Variants in EYA3 observed in about 807,000 individuals in gnomAD.
EYA3 encodes the protein protein phosphatase EYA3.
EYA3 carries 39 observed loss-of-function variants against 80.0 expected under a neutral mutation model. The observed-to-expected ratio is 0.49, with a 90% CI of 0.38 to 0.64. The LOEUF is 0.64. Among genes scored for constraint, EYA3 ranks in the 30% least tolerant of loss-of-function variants. EYA3 has a pLI of 0.00. For synonymous variants in EYA3, 206 were observed against 232.8 expected (o/e 0.88, Z 1.05); for missense variants, 523 against 676.1 (o/e 0.77, Z 2.51).
intron 6 of EYA3, among the ~76,000 whole-genome samples, chr1:28,035,057 G>A (rs983522792): frequency 1.1e-4 from 16 of 152,066 alleles, no homozygotes; most frequent in African/African-American, 1.2e-4. Flanking sequence ...GGGGATTTCC[G>A]GTATTCTAAA....
At chr1:28,017,862 G>A (rs1642174896) in intron 7 of EYA3, among the ~76,000 whole-genome samples, 1 of 152,062 alleles carries the variant, frequency 6.6e-6, no homozygotes, top group African/African-American at 2.4e-5. Flanking sequence ...TATTACTCTG[G>A]TCAGATAAAA....
chr1:28,084,201 C>T (rs1645531156), intron 1 of EYA3, among the ~76,000 whole-genome samples: 1 of 149,524 alleles, frequency 6.7e-6, no homozygotes, highest in African/African-American at 2.5e-5. Context: ...TTAGGAAGCC[C>T]ATATTTTAAA....
intron 11 of EYA3, among the ~76,000 whole-genome samples, chr1:28,003,270 A>AAACAACAACAACAAC (rs139958121): frequency 6.9e-6 from 1 of 145,704 alleles, no homozygotes; most frequent in African/African-American, 2.6e-5. Context: ...ACTCCGTCTC[A>AAACAACAACAACAAC]AACAACAACA....
At chr1:28,033,174 C>CT (rs1557594996) in intron 6 of EYA3, among the ~76,000 whole-genome samples, 1 of 152,070 alleles carries the variant, frequency 6.6e-6, no homozygotes, top group African/African-American at 2.4e-5. Context: ...ACAGGCAGCA[C>CT]TAAGATGACA....
chr1:28,080,381 C>G (rs1324460371), intron 1 of EYA3, among the ~76,000 whole-genome samples: 1 of 152,034 alleles, frequency 6.6e-6, no homozygotes, highest in Non-Finnish European at 1.5e-5. Context: ...CACCTGAGCC[C>G]AGGAGGTCGA....
At chr1:28,020,395 C>T (rs115082644) in intron 7 of EYA3, among the ~76,000 whole-genome samples, 2,376 of 152,244 alleles carry the variant, frequency 0.016, 55 homozygotes, top group African/African-American at 0.054. Context: ...CTCATTCATT[C>T]AGCAAACCCA....
At chr1:28,057,850 T>C (rs1644486968) in intron 2 of EYA3, 144 bp downstream of exon 2, 2 of 495,866 alleles carry the variant, frequency 4.0e-6, no homozygotes, top group Admixed American at 3.4e-5. Context: ...GTTAGAAAAA[T>C]ATAACATTGT....
At chr1:27,980,191 C>T (rs192201523) in intron 16 of EYA3, among the ~76,000 whole-genome samples, 300 of 152,292 alleles carry the variant, frequency 2.0e-3, no homozygotes, top group Middle Eastern at 0.01. Flanking sequence ...GGACTGTAGT[C>T]CAGGTCTTAT....
intron 2 of EYA3, 133 bp downstream of exon 2, chr1:28,057,861 T>C (rs566162153): frequency 7.6e-6 from 4 of 529,052 alleles, no homozygotes; most frequent in South Asian, 5.4e-5. Context: ...ATAACATTGT[T>C]TTCTTGAAAG....
At chr1:27,989,639 A>T in intron 15 of EYA3, 58 bp downstream of exon 15, 1 of 1,131,126 alleles carries the variant, frequency 8.8e-7, no homozygotes, top group Non-Finnish European at 1.3e-6. Flanking sequence ...CTTATCCTGA[A>T]CTGGAGTAGA....
chr1:28,041,917 T>G (rs1156920201), intron 4 of EYA3, among the ~76,000 whole-genome samples: 1 of 152,238 alleles, frequency 6.6e-6, no homozygotes, highest in Non-Finnish European at 1.5e-5. Context: ...AGGGAACAGG[T>G]CTTTTTCTTG....
chr1:27,983,692 G>C (rs557736306), intron 16 of EYA3, among the ~76,000 whole-genome samples: 2 of 152,080 alleles, frequency 1.3e-5, no homozygotes, highest in African/African-American at 4.8e-5. Context: ...AGTTTCGCTC[G>C]TTGCCCAGGC....
At chr1:28,083,610 ATAG>A (rs2148960643) in intron 1 of EYA3, among the ~76,000 whole-genome samples, 1 of 152,282 alleles carries the variant, frequency 6.6e-6, no homozygotes, top group South Asian at 2.1e-4. Context: ...TTCCTGGTAC[ATAG>A]TAAGTGCTGT....
chr1:27,990,864 T>A (rs554100281), intron 14 of EYA3, among the ~76,000 whole-genome samples: 122 of 151,978 alleles, frequency 8.0e-4, no homozygotes, highest in African/African-American at 2.7e-3. Flanking sequence ...TTTTTTTTTT[T>A]AATTTCTCTT....
At chr1:28,083,515 G>A (rs55714847) in intron 1 of EYA3, among the ~76,000 whole-genome samples, 15 of 150,436 alleles carry the variant, frequency 1.0e-4, no homozygotes, top group Admixed American at 4.0e-4. Context: ...GCAAGACTCC[G>A]TCTCAAAAAA....
At chr1:28,060,708 A>T (rs1644588783) in intron 1 of EYA3, among the ~76,000 whole-genome samples, 1 of 152,116 alleles carries the variant, frequency 6.6e-6, no homozygotes, top group South Asian at 2.1e-4. Flanking sequence ...TACACAAATA[A>T]TTTCTACATT....
chr1:28,026,935 T>C (rs1177739743), intron 7 of EYA3, among the ~76,000 whole-genome samples: 1 of 152,150 alleles, frequency 6.6e-6, no homozygotes, highest in Non-Finnish European at 1.5e-5. Context: ...AAAATCAAAA[T>C]CTAATTAACC....
chr1:28,029,531 T>A (rs992878645), intron 6 of EYA3, among the ~76,000 whole-genome samples: 1 of 152,160 alleles, frequency 6.6e-6, no homozygotes, highest in Admixed American at 6.6e-5. Flanking sequence ...TGAAACACTC[T>A]TAAGTGCATG....
chr1:28,076,435 G>T (rs1032610687), intron 1 of EYA3, among the ~76,000 whole-genome samples: 2 of 151,964 alleles, frequency 1.3e-5, no homozygotes, highest in African/African-American at 4.8e-5. Flanking sequence ...TCTCGGCCAG[G>T]CGTGGTGGCT....
Sources: gnomAD v4.1 joint callset for allele counts (sites outside exome capture counted in the v4.1 genomes callset) on GRCh38, gnomAD v4.1.1 for gene constraint, MANE v1.5 for transcripts, NCBI Gene and HGNC (gene_info 2026-07-23, HGNC 2026-07-21) for gene names.